Variants in CCSER1 observed in about 807,000 individuals in gnomAD.
CCSER1 encodes the protein serine-rich coiled-coil domain-containing protein 1.
Under a neutral mutation model 82.0 loss-of-function variants are expected in CCSER1, and 41 were observed. The observed-to-expected ratio is 0.50, with a 90% confidence interval of 0.39 to 0.65. CCSER1 has a LOEUF of 0.65. Among genes scored for constraint, CCSER1 ranks in the 30% least tolerant of loss-of-function variants. The pLI is 0.00. For missense variants in CCSER1, 1,119 were observed against 1,064.2 expected, an observed-to-expected ratio of 1.05 and a Z score of -0.72; for synonymous variants, 414 against 383.9, an observed-to-expected ratio of 1.08 and a Z score of -0.92.
At chr4:90,727,634 T>A (rs1743904574) in intron 7 of CCSER1, among the ~76,000 whole-genome samples, 1 of 152,172 alleles carries the variant, frequency 6.6e-6, no homozygotes, top group African/African-American at 2.4e-5. Context: ...TTTAGTAGGA[T>A]GACCCTTTCA....
chr4:91,116,389 G>A (rs1581587015), intron 10 of CCSER1, among the ~76,000 whole-genome samples: 1 of 152,170 alleles, frequency 6.6e-6, no homozygotes, highest in South Asian at 2.1e-4. Context: ...AGTAACAGGA[G>A]AGCCTAGTGA....
intron 10 of CCSER1, among the ~76,000 whole-genome samples, chr4:91,376,626 A>G (rs145861373): frequency 6.6e-6 from 1 of 152,344 alleles, no homozygotes; most frequent in Non-Finnish European, 1.5e-5. Context: ...TGCAAATTAA[A>G]GAAAAAAATT....
Position 91,156,880 on chromosome 4 carries a change from G to C in CCSER1, c.2217+70886G>C, listed in dbSNP as rs1049548811. On this transcript the variant is annotated intron_variant, in intron 10 of 10. Coordinates refer to ENST00000509176, the MANE Select transcript of CCSER1 (RefSeq NM_001145065.2). ...TTTCCTGCATTTTCACCTTATTCCT[G>C]CTAATAATTTCTTCTCATTGGGACA... Among the ~76,000 whole-genome samples, 138 of 151,810 alleles carry C rather than the reference G, an allele frequency of 9.1e-4. 1 individual carries two copies. The highest frequency in any genetic ancestry group is 3.4e-3 in the Middle Eastern group (1 of 292).
chr4:90,425,328 A>AAG lies in CCSER1; in HGVS notation c.1603+25207_1603+25208dup, dbSNP rs532271812. ...TGAAGGAGAGAGAGAGAGAGAGAGG[A>AAG]AGAGAGAGACAGAGAGTATTCAAGA... On this transcript the variant is annotated intron_variant, in intron 4 of 10. Coordinates refer to ENST00000509176, the MANE Select transcript of CCSER1 (RefSeq NM_001145065.2). 1.8e-3 allele frequency among the ~76,000 whole-genome samples: 274 copies of AAG among 151,862 alleles called. 1 individual carries two copies. The highest frequency in any genetic ancestry group is 6.4e-3 in the African/African-American group (265 of 41,444).
intron 3 of CCSER1, among the ~76,000 whole-genome samples, chr4:90,388,391 C>A (rs751977609): frequency 6.6e-6 from 1 of 151,964 alleles, no homozygotes; most frequent in African/African-American, 2.4e-5. Flanking sequence ...CTCACTGCAA[C>A]CTTTGCCCGC....
chr4:91,106,748 G>T (rs1725657965), intron 10 of CCSER1, among the ~76,000 whole-genome samples: 1 of 152,174 alleles, frequency 6.6e-6, no homozygotes, highest in Non-Finnish European at 1.5e-5. Flanking sequence ...ACTGTACTCT[G>T]TGCAAGCTAG....
intron 7 of CCSER1, among the ~76,000 whole-genome samples, chr4:90,774,957 G>T (rs1051755620): frequency 6.6e-6 from 1 of 152,044 alleles, no homozygotes; most frequent in African/African-American, 2.4e-5. Context: ...CAGACTTAAG[G>T]ATTTAAGTTA....
At chr4:91,256,858 T>G (rs1740730021) in intron 10 of CCSER1, among the ~76,000 whole-genome samples, 1 of 152,332 alleles carries the variant, frequency 6.6e-6, no homozygotes, top group African/African-American at 2.4e-5. Flanking sequence ...GAACCTCTTC[T>G]TCTTGGGAAG....
At chr4:91,260,656 A>C (rs1741038002) in intron 10 of CCSER1, among the ~76,000 whole-genome samples, 1 of 151,842 alleles carries the variant, frequency 6.6e-6, no homozygotes, top group South Asian at 2.1e-4. Context: ...ACGGCAAAAG[A>C]CTCTAAAGAG....
intron 8 of CCSER1, among the ~76,000 whole-genome samples, chr4:90,873,437 G>A (rs543403143): frequency 1.7e-4 from 26 of 152,082 alleles, no homozygotes; most frequent in African/African-American, 4.8e-4. Flanking sequence ...TTCCTGTTGC[G>A]GGAACCATCA....
chr4:90,837,577 CAAAT>C, intron 8 of CCSER1, among the ~76,000 whole-genome samples: 1 of 152,018 alleles, frequency 6.6e-6, no homozygotes. Context: ...TGAATACAAA[CAAAT>C]AATAAATAGT....
At chr4:90,849,269 G>A (rs755954872) in intron 8 of CCSER1, among the ~76,000 whole-genome samples, 12 of 152,186 alleles carry the variant, frequency 7.9e-5, no homozygotes, top group Non-Finnish European at 1.3e-4. Flanking sequence ...CTGGGCCGAG[G>A]TGGTCTCAGA....
intron 9 of CCSER1, among the ~76,000 whole-genome samples, chr4:90,961,692 A>G (rs1319963888): frequency 1.3e-5 from 2 of 152,058 alleles, no homozygotes; most frequent in East Asian, 3.8e-4. Context: ...ATTTATATTC[A>G]TAAATATAAA....
At chr4:91,279,268 C>T (rs1046202634) in intron 10 of CCSER1, among the ~76,000 whole-genome samples, 1 of 152,000 alleles carries the variant, frequency 6.6e-6, no homozygotes, top group Admixed American at 6.6e-5. Context: ...CTTCCTGTAT[C>T]TGAATGTCTC....
intron 7 of CCSER1, among the ~76,000 whole-genome samples, chr4:90,752,392 C>T (rs1209213881): frequency 6.6e-6 from 1 of 152,038 alleles, no homozygotes; most frequent in African/African-American, 2.4e-5. Context: ...ATATAAGAAA[C>T]ACTGTATTTT....
chr4:90,620,094 G>A (rs937006592), intron 5 of CCSER1, among the ~76,000 whole-genome samples: 3 of 152,096 alleles, frequency 2.0e-5, no homozygotes, highest in Non-Finnish European at 4.4e-5. Context: ...ACCAAAATAG[G>A]TGTAAAAATA....
rs529469430 is a variant in CCSER1, at chr4:91,083,725, A to G, written c.2173-2225A>G. ...CTAAGATAGCTGAAATAAAAATTTCACTGAATGGGATTAAAAGCAGATAAG... is the reference window on the plus strand; with the variant it reads ...CTAAGATAGCTGAAATAAAAATTTCGCTGAATGGGATTAAAAGCAGATAAG... On this transcript the variant is annotated intron_variant, in intron 9 of 10. Coordinates refer to ENST00000509176, the MANE Select transcript of CCSER1 (RefSeq NM_001145065.2). 2.6e-4 allele frequency among the ~76,000 whole-genome samples: 39 copies of G among 152,276 alleles called. No homozygotes were observed. The South Asian group carries it at 5.6e-3, about 22-fold the overall frequency.
chr4:90,375,885 A>G (rs902473571), intron 3 of CCSER1, among the ~76,000 whole-genome samples: 4 of 152,160 alleles, frequency 2.6e-5, no homozygotes, highest in Non-Finnish European at 5.9e-5. Flanking sequence ...AGATTCAAGT[A>G]TTCAAATTTA....
chr4:91,079,175 A>G (rs1722389834), intron 9 of CCSER1, among the ~76,000 whole-genome samples: 1 of 152,212 alleles, frequency 6.6e-6, no homozygotes, highest in Non-Finnish European at 1.5e-5. Context: ...GGGCAGCCAG[A>G]CAGGTCAGGT....
Sources: gnomAD v4.1 joint callset for allele counts (sites outside exome capture counted in the v4.1 genomes callset) on GRCh38, gnomAD v4.1.1 for gene constraint, MANE v1.5 for transcripts, NCBI Gene and HGNC (gene_info 2026-07-23, HGNC 2026-07-21) for gene names.